Variants in RAPGEF4 observed in about 807,000 individuals in gnomAD.
RAPGEF4 encodes the protein Rap guanine nucleotide exchange factor 4, also known as RAP guanine-nucleotide-exchange factor (GEF) 4.
Under a neutral mutation model 147.9 loss-of-function variants are expected in RAPGEF4, and 66 were observed. The observed-to-expected ratio is 0.45, with a 90% CI of 0.37 to 0.55. RAPGEF4 has a LOEUF of 0.55. Among genes scored for constraint, RAPGEF4 ranks in the 20% least tolerant of loss-of-function variants. The probability of loss-of-function intolerance (pLI) is 0.00; values close to 1 mark genes in which losing one functional copy is unlikely to be tolerated. For synonymous variants in RAPGEF4, 419 were observed against 442.7 expected (o/e 0.95, Z 0.67); for missense variants, 1,071 against 1,257.3 (o/e 0.85, Z 2.24).
intron 6 of RAPGEF4, among the ~76,000 whole-genome samples, chr2:172,939,254 G>A (rs1471299619): frequency 6.6e-6 from 1 of 152,142 alleles, no homozygotes; most frequent in East Asian, 1.9e-4. Context: ...CTTCCAAAGT[G>A]GTTGTACCAT....
intron 4 of RAPGEF4, among the ~76,000 whole-genome samples, chr2:172,839,837 A>C (rs1204695962): frequency 6.6e-6 from 1 of 152,228 alleles, no homozygotes; most frequent in African/African-American, 2.4e-5. Flanking sequence ...CATTACACAA[A>C]GGAGATACAA....
intron 1 of RAPGEF4, among the ~76,000 whole-genome samples, chr2:172,768,422 A>G (rs1697048403): frequency 6.6e-6 from 1 of 152,026 alleles, no homozygotes; most frequent in African/African-American, 2.4e-5. Flanking sequence ...GTAAACAAAT[A>G]TTTGATTTAT....
Position 172,938,611 on chromosome 2 carries a change from A to G in RAPGEF4, c.537+16311A>G, listed in dbSNP as rs145859725. ...ACTCCCTTCGTTGAAGTTATTTCATACATTTATTATACAGTCAAATTATTT... is the reference window on the plus strand; with the variant it reads ...ACTCCCTTCGTTGAAGTTATTTCATGCATTTATTATACAGTCAAATTATTT... On this transcript the variant is annotated intron_variant, in intron 6 of 30. Transcript: ENST00000397081. Among the ~76,000 whole-genome samples the G allele has an allele frequency of 2.6e-5, 4 of 152,290 alleles. No homozygotes were observed. The East Asian group carries it at 7.7e-4, about 29-fold the overall frequency.
At chr2:173,009,855 G>A (rs1453580946) in intron 17 of RAPGEF4, among the ~76,000 whole-genome samples, 1 of 152,128 alleles carries the variant, frequency 6.6e-6, no homozygotes. Flanking sequence ...CATGTGCTTT[G>A]TTATCAGGAT....
intron 6 of RAPGEF4, among the ~76,000 whole-genome samples, chr2:172,929,352 A>T (rs1461801436): frequency 1.3e-5 from 2 of 152,202 alleles, no homozygotes; most frequent in South Asian, 2.1e-4. Flanking sequence ...TTACCTTTAG[A>T]TGACATTACA....
rs58806286 is a variant in RAPGEF4, at chr2:172,973,107, C to CT, written c.1004+5678dup. On this transcript the variant is annotated intron_variant, in intron 10 of 30. Transcript: ENST00000397081. ...TTGTTTTTCAAGCCCCTTTTTTTTTCTTTTTTTTTTTTTTTCTTTTTTTGA... is the reference window on the plus strand; with the variant it reads ...TTGTTTTTCAAGCCCCTTTTTTTTTCTTTTTTTTTTTTTTTTCTTTTTTTGA... Among the ~76,000 whole-genome samples, 344 of 132,558 alleles carry CT rather than the reference C, an allele frequency of 2.6e-3. 1 individual carries two copies. Among genetic ancestry groups the CT allele is most frequent in the Middle Eastern group, 0.013 (3 of 236 alleles). 87.0% of individuals were successfully genotyped at this position (132,558 alleles called of 152,430 possible).
chr2:172,909,439 G>A (rs1432637254), intron 4 of RAPGEF4, among the ~76,000 whole-genome samples: 1 of 152,208 alleles, frequency 6.6e-6, no homozygotes, highest in Non-Finnish European at 1.5e-5. Flanking sequence ...AGTGCATATA[G>A]CAATTTGAAA....
At chr2:173,001,206 T>G in intron 16 of RAPGEF4, 60 bp from the exon 17 acceptor site, 1 of 1,607,298 alleles carries the variant, frequency 6.2e-7, no homozygotes, top group Non-Finnish European at 8.5e-7. Flanking sequence ...TGGATACTCT[T>G]GCTTTCCTAA....
chr2:172,895,411 G>C (rs1302311872), intron 4 of RAPGEF4, among the ~76,000 whole-genome samples: 2 of 152,154 alleles, frequency 1.3e-5, no homozygotes, highest in Non-Finnish European at 2.9e-5. Flanking sequence ...CCTGAGGGCT[G>C]AATGCTTTTC....
intron 1 of RAPGEF4, among the ~76,000 whole-genome samples, chr2:172,786,888 T>TA (rs1685262898): frequency 6.6e-6 from 1 of 152,002 alleles, no homozygotes; most frequent in African/African-American, 2.4e-5. Context: ...CCGCCATCTC[T>TA]AAAAAAATAA....
intron 25 of RAPGEF4, among the ~76,000 whole-genome samples, chr2:173,029,046 T>C (rs7603626): frequency 0.11 from 17,247 of 152,152 alleles, 1,155 homozygotes; most frequent in African/African-American, 0.19. Flanking sequence ...ATAGATGCGA[T>C]TGTATACCTG....
At chr2:172,743,776 A>G (rs1694522776) in intron 1 of RAPGEF4, among the ~76,000 whole-genome samples, 1 of 151,970 alleles carries the variant, frequency 6.6e-6, no homozygotes, top group Non-Finnish European at 1.5e-5. Context: ...TTCTGCCTGG[A>G]GTTACTACCC....
At chr2:172,896,585 C>T (rs1052380003) in intron 4 of RAPGEF4, among the ~76,000 whole-genome samples, 2 of 151,896 alleles carry the variant, frequency 1.3e-5, no homozygotes, top group Admixed American at 1.3e-4. Context: ...CCACCCCCCC[C>T]CAAAAAAATC....
chr2:172,851,652 G>T (rs1480894846), intron 4 of RAPGEF4, among the ~76,000 whole-genome samples: 2 of 152,164 alleles, frequency 1.3e-5, no homozygotes, highest in East Asian at 3.9e-4. Flanking sequence ...CAGCAACATG[G>T]TTGGAACTGG....
rs1297725706 is a variant in RAPGEF4 at position 172,983,010 on chromosome 2, A to G, written c.1005-486A>G. On this transcript the variant is annotated intron_variant, in intron 10 of 30. Coordinates refer to ENST00000397081, the MANE Select transcript of RAPGEF4 (RefSeq NM_007023.4). Reference sequence around the variant, plus strand: ...TATTTGAGTCCTTCGGAAAAAATACATTTTATAACCCCAAATAATAGTGAC... The same window carrying G: ...TATTTGAGTCCTTCGGAAAAAATACGTTTTATAACCCCAAATAATAGTGAC... Among the ~76,000 whole-genome samples, 4 of 152,326 alleles carry G rather than the reference A, an allele frequency of 2.6e-5. No homozygotes were observed. The East Asian group carries it at 5.8e-4, about 22-fold the overall frequency.
In RAPGEF4 at chr2:173,001,885, T is replaced by C. The variant is rs112878138; in HGVS notation, c.1658+541T>C. On this transcript the variant is annotated intron_variant, in intron 17 of 30. Coordinates refer to ENST00000397081, the MANE Select transcript of RAPGEF4 (RefSeq NM_007023.4). The stretch of plus-strand genomic sequence containing the variant: ...CCTCCCACCAGGCCCACCTCCAGCA[T>C]TGAGGATTACATTTCAACATGAGAT... Among the ~76,000 whole-genome samples, 921 of 149,804 alleles carry C rather than the reference T, an allele frequency of 6.1e-3. 13 individuals are homozygous for C. The highest frequency in any genetic ancestry group is 0.021 in the African/African-American group (872 of 40,946).
chr2:172,854,605 A>G lies in RAPGEF4; in HGVS notation c.444+40180A>G, dbSNP rs141446373. Among the ~76,000 whole-genome samples, 119 of 152,078 alleles carry G rather than the reference A, an allele frequency of 7.8e-4. 1 individual carries two copies. The highest frequency in any genetic ancestry group is 2.6e-3 in the African/African-American group (109 of 41,528). ...TTATATGATTGGATTTAGGTTTACC[A>G]TTTTGCTATTTTTGTTGTTGTTGTT... On this transcript the variant is annotated intron_variant, in intron 4 of 30. Transcript: ENST00000397081.
At chr2:172,981,523 G>A (rs1453758429) in intron 10 of RAPGEF4, among the ~76,000 whole-genome samples, 4 of 152,186 alleles carry the variant, frequency 2.6e-5, no homozygotes, top group Non-Finnish European at 5.9e-5. Context: ...GCACGAGATT[G>A]GTGTGCATTT....
intron 6 of RAPGEF4, among the ~76,000 whole-genome samples, chr2:172,955,015 G>T (rs1395830538): frequency 6.6e-6 from 1 of 152,200 alleles, no homozygotes; most frequent in Non-Finnish European, 1.5e-5. Flanking sequence ...AATCAGATTG[G>T]ATGTGGACTT....
Sources: allele counts gnomAD v4.1 joint callset (sites outside exome capture counted in the v4.1 genomes callset), GRCh38; gene constraint gnomAD v4.1.1; transcripts MANE v1.5; gene names NCBI Gene and HGNC (gene_info 2026-07-23, HGNC 2026-07-21).